The following COP1 variants were observed in gnomAD, a reference collection of about 807,000 sequenced individuals.
COP1 encodes COP1 E3 ubiquitin ligase.
In COP1, 24 loss-of-function variants were observed where a neutral mutation model predicts 101.3. The observed-to-expected ratio is 0.24, with a 90% CI of 0.17 to 0.33. COP1 has a LOEUF of 0.33. Among genes scored for constraint, COP1 ranks in the 10% least tolerant of loss-of-function variants. The pLI is 1.00. For synonymous variants in COP1, 347 were observed against 341.9 expected (o/e 1.01, Z -0.17); for missense variants, 663 against 906.2 (o/e 0.73, Z 3.45).
chr1:176,129,600 T>C (rs1293966377), intron 8 of COP1, among the ~76,000 whole-genome samples: 1 of 151,846 alleles, frequency 6.6e-6, no homozygotes, highest in Non-Finnish European at 1.5e-5. Context: ...TTAGGCAAAT[T>C]TAACTCCAGC....
chr1:176,185,505 A>G (rs1324694303), intron 1 of COP1, among the ~76,000 whole-genome samples: 2 of 152,220 alleles, frequency 1.3e-5, no homozygotes, highest in East Asian at 3.8e-4. Context: ...AGGATTGGCT[A>G]TATGATATTA....
At chr1:176,150,787 G>T (rs547033582) in intron 5 of COP1, among the ~76,000 whole-genome samples, 1 of 152,210 alleles carries the variant, frequency 6.6e-6, no homozygotes, top group East Asian at 1.9e-4. Context: ...GAAAGAAGGA[G>T]AAAGTCCCCA....
chr1:175,968,881 C>T (rs1025818664), intron 18 of COP1, among the ~76,000 whole-genome samples: 3 of 152,216 alleles, frequency 2.0e-5, no homozygotes, highest in Non-Finnish European at 2.9e-5. Context: ...ACACTTTCAA[C>T]TTGCAGCACA....
At chr1:175,945,747 G>T (rs1649089562) in intron 19 of COP1, among the ~76,000 whole-genome samples, 1 of 152,196 alleles carries the variant, frequency 6.6e-6, no homozygotes, top group Non-Finnish European at 1.5e-5. Context: ...AAAGATCACG[G>T]AACAGGAGGA....
chr1:176,189,369 G>A lies in COP1; in HGVS notation c.408-4677C>T, dbSNP rs114127790. Among the ~76,000 whole-genome samples the A allele has an allele frequency of 7.7e-3, 1,169 of 151,614 alleles. 16 individuals carry two copies. Among genetic ancestry groups the A allele is most frequent in the African/African-American group, 0.026 (1,086 of 41,358 alleles). Reference sequence around the variant, plus strand: ...CTGGCTTGCTTTCATTGTTTCTAGGGACAGTATTATGTTTCTTTTTCCGTT... The same window carrying A: ...CTGGCTTGCTTTCATTGTTTCTAGGAACAGTATTATGTTTCTTTTTCCGTT... On this transcript the variant is annotated intron_variant, in intron 1 of 19. Coordinates refer to ENST00000367669, the MANE Select transcript of COP1 (RefSeq NM_022457.7).
Position 176,004,247 on chromosome 1 carries a change from T to C in COP1, c.1730-14768A>G, listed in dbSNP as rs1030715827. 2.7e-5 allele frequency among the ~76,000 whole-genome samples: 4 copies of C among 148,292 alleles called. No individual in the cohort carries two copies. In the Admixed American group the frequency reaches 2.7e-4, roughly 10 times the overall value. ...AGTTGCTTATCAGCTTAAGGAGATT[T>C]TGGGCTGAGACGATGGGGTTTTCTA... On this transcript the variant is annotated intron_variant, in intron 15 of 19. Transcript: ENST00000367669.
chr1:176,192,841 G>A (rs1219173901), intron 1 of COP1, among the ~76,000 whole-genome samples: 1 of 151,948 alleles, frequency 6.6e-6, no homozygotes, highest in Non-Finnish European at 1.5e-5. Flanking sequence ...CATGGGAGAT[G>A]TGTTCCTTGT....
chr1:175,998,483 G>GA (rs139895086), intron 15 of COP1, among the ~76,000 whole-genome samples: 6 of 145,628 alleles, frequency 4.1e-5, no homozygotes, highest in African/African-American at 1.3e-4. Context: ...TAAAAAAAGA[G>GA]AAAAAAAAGA....
intron 15 of COP1, among the ~76,000 whole-genome samples, chr1:176,020,871 ATAATC>A (rs1666645047): frequency 6.6e-6 from 1 of 152,274 alleles, no homozygotes; most frequent in African/African-American, 2.4e-5. Flanking sequence ...CATAAATCAC[ATAATC>A]TAAAGTATTT....
At chr1:176,029,441 C>G (rs1341511412) in intron 14 of COP1, among the ~76,000 whole-genome samples, 1 of 152,094 alleles carries the variant, frequency 6.6e-6, no homozygotes, top group African/African-American at 2.4e-5. Context: ...CATTTTTCAA[C>G]AATAAAAACA....
chr1:176,135,060 G>A lies in COP1; in HGVS notation c.918C>T (p.Val306=), dbSNP rs2149730376. The A allele has an allele frequency of 6.2e-7, 1 of 1,609,130 alleles. No individual in the cohort carries two copies. Among genetic ancestry groups the A allele is most frequent in the East Asian group, 2.2e-5 (1 of 44,780 alleles). Residue 306 remains valine (V), a synonymous_variant, in exon 8 of 20, where the codon GTC becomes GTT. Transcript: ENST00000367669. ...VEEMSGLYSP[V]SEDSTVPQFE... ...ATTGAGGCACTGTGCTATCCTCACT[G>A]ACAGGAGAGTATAAGCCACTCATTT...
intron 15 of COP1, 73 bp downstream of exon 15, chr1:176,027,499 T>A (rs1299595673): frequency 7.9e-6 from 7 of 888,050 alleles, no homozygotes; most frequent in Non-Finnish European, 1.3e-5. Flanking sequence ...TTATTTGTTT[T>A]AAAATGCTCT....
intron 9 of COP1, among the ~76,000 whole-genome samples, chr1:176,114,510 T>C (rs572577528): frequency 6.6e-6 from 1 of 151,742 alleles, no homozygotes; most frequent in Non-Finnish European, 1.5e-5. Context: ...AAAGTGAATA[T>C]ACAAATAAAT....
chr1:175,965,499 A>G (rs910102393), intron 18 of COP1, among the ~76,000 whole-genome samples: 4 of 152,006 alleles, frequency 2.6e-5, no homozygotes, highest in Non-Finnish European at 1.5e-5. Flanking sequence ...AGCACTTTCT[A>G]GTACATCTTT....
intron 18 of COP1, among the ~76,000 whole-genome samples, chr1:175,985,848 A>G (rs1656986983): frequency 6.6e-6 from 1 of 152,182 alleles, no homozygotes; most frequent in Non-Finnish European, 1.5e-5. Context: ...AGAACTTTAA[A>G]TAAGACAGCA....
chr1:176,002,000 G>C (rs145211583), intron 15 of COP1, among the ~76,000 whole-genome samples: 1 of 152,060 alleles, frequency 6.6e-6, no homozygotes, highest in East Asian at 1.9e-4. Context: ...TACTTGCTGA[G>C]CAACTTTTTG....
chr1:176,095,702 G>A (rs1045359910), intron 9 of COP1, among the ~76,000 whole-genome samples: 1 of 150,522 alleles, frequency 6.6e-6, no homozygotes, highest in African/African-American at 2.4e-5. Flanking sequence ...AAAAAAAGAT[G>A]TTCTTTGCAA....
intron 11 of COP1, among the ~76,000 whole-genome samples, chr1:176,078,902 A>G (rs1395750766): frequency 6.6e-6 from 1 of 152,174 alleles, no homozygotes; most frequent in East Asian, 1.9e-4. Flanking sequence ...ACTCAGCATC[A>G]CTAATCATCA....
intron 8 of COP1, among the ~76,000 whole-genome samples, chr1:176,127,893 T>A (rs1688280678): frequency 6.6e-6 from 1 of 152,096 alleles, no homozygotes; most frequent in Non-Finnish European, 1.5e-5. Flanking sequence ...CTCCACATCC[T>A]CATCAACACT....
Sources: allele counts gnomAD v4.1 joint callset (sites outside exome capture counted in the v4.1 genomes callset), GRCh38; gene constraint gnomAD v4.1.1; transcripts MANE v1.5; gene names NCBI Gene and HGNC (gene_info 2026-07-23, HGNC 2026-07-21).